Variants in PI4K2B observed in about 807,000 individuals in gnomAD.
PI4K2B encodes the protein phosphatidylinositol 4-kinase type 2-beta.
A neutral mutation model predicts 56.6 loss-of-function variants in PI4K2B; 46 were observed. The observed-to-expected ratio is 0.81, with a 90% CI of 0.64 to 1.04. The LOEUF (loss-of-function observed/expected upper bound fraction) is 1.04. Ranked by LOEUF, PI4K2B falls within the 50% of genes least tolerant of loss-of-function variation. The pLI, the probability that PI4K2B is intolerant of heterozygous loss-of-function variation, is 0.00. For missense variants in PI4K2B, 556 were observed against 607.7 expected (o/e 0.91, Z 0.89); for synonymous variants, 211 against 223.8 (o/e 0.94, Z 0.51).
At chr4:25,241,942 T>C (rs558514143) in intron 1 of PI4K2B, among the ~76,000 whole-genome samples, 126 of 152,310 alleles carry the variant, frequency 8.3e-4, no homozygotes, top group African/African-American at 2.9e-3. Context: ...TAGATGAGTA[T>C]TTGCCCTCTG....
intron 9 of PI4K2B, among the ~76,000 whole-genome samples, chr4:25,271,021 CCAAGCTTCTGCTGT>C (rs1456558899): frequency 6.6e-6 from 1 of 152,154 alleles, no homozygotes; most frequent in Admixed American, 6.5e-5. Flanking sequence ...GTAAGCAAAA[CCAAGCTTCTGCTGT>C]CATGGAGTTT....
At chr4:25,239,511 G>A (rs1325806758) in intron 1 of PI4K2B, among the ~76,000 whole-genome samples, 3 of 147,632 alleles carry the variant, frequency 2.0e-5, no homozygotes, top group Admixed American at 2.0e-4. Context: ...CGGTGGGGCC[G>A]GCCAGCCGCT....
rs528732963 is a variant in PI4K2B, at chr4:25,247,973, G to A, written c.269-4348G>A. 1.6e-3 allele frequency among the ~76,000 whole-genome samples: 249 copies of A among 152,328 alleles called. 3 individuals are homozygous for A. Among genetic ancestry groups the A allele is most frequent in the African/African-American group, 5.8e-3 (242 of 41,562 alleles). On this transcript the variant is annotated intron_variant, in intron 1 of 9. Coordinates refer to ENST00000264864, the MANE Select transcript of PI4K2B (RefSeq NM_018323.4). ...CTGCCTCAGTCTCCCAACATGCTGG[G>A]ATTACAGGCGTGAGCCACTGCACCC...
chr4:25,236,206 AAAATAAATAAATAAAT>A (rs55804997), intron 1 of PI4K2B, among the ~76,000 whole-genome samples: 12,219 of 139,656 alleles, frequency 0.087, 690 homozygotes, highest in South Asian at 0.18. Flanking sequence ...CTCTGTCTCA[AAAATAAATAAATAAAT>A]AAATAAATAA....
chr4:25,239,896 A>G (rs1174210092), intron 1 of PI4K2B, among the ~76,000 whole-genome samples: 1 of 152,226 alleles, frequency 6.6e-6, no homozygotes. Flanking sequence ...GTGGCCCTGC[A>G]GTTTTAGTGT....
In PI4K2B at chr4:25,274,625, C is replaced by G. The variant is rs1329833830; in HGVS notation, c.1273-2389C>G. On this transcript the variant is annotated intron_variant, in intron 9 of 9. Coordinates refer to ENST00000264864, the MANE Select transcript of PI4K2B (RefSeq NM_018323.4). Reference sequence around the variant, plus strand: ...TTTCCCTCATTTGGTCCCCTCTTCTCCCCAACACCGTGAGTGCTCAGTAAG... The same window carrying G: ...TTTCCCTCATTTGGTCCCCTCTTCTGCCCAACACCGTGAGTGCTCAGTAAG... Among the ~76,000 whole-genome samples, 4 of 152,032 alleles carry G rather than the reference C, an allele frequency of 2.6e-5. No individual in the cohort carries two copies. The East Asian group carries it at 5.8e-4, about 22-fold the overall frequency.
At chr4:25,269,239 A>G (rs777473038) in intron 9 of PI4K2B, 36 bp downstream of exon 9, 24 of 1,162,306 alleles carry the variant, frequency 2.1e-5, no homozygotes, top group Non-Finnish European at 2.8e-5. Flanking sequence ...AAGGAAAAAA[A>G]TCTCTTTGAA....
At position 25,277,088 on chromosome 4, in the gene PI4K2B, G is replaced by T. The variant is rs756870319; in HGVS notation, c.1347G>T (p.Val449=). ...FQLVQIPCVI[V]ERSQGGSQGR... is the part of the protein sequence containing the mutation. ...TAGTACAGATACCTTGTGTGATTGT[G>T]GAACGCAGTCAAGGTGGAAGTCAGG... The change falls in exon 10 of 10, where the codon GTG becomes GTT. Residue 449 remains valine, a synonymous_variant. Transcript: ENST00000264864. 1.9e-6 allele frequency: 3 copies of T among 1,613,676 alleles called. No homozygotes were observed. Among genetic ancestry groups the T allele is most frequent in the Non-Finnish European group, 1.7e-6 (2 of 1,179,776 alleles).
At chr4:25,271,100 T>C (rs1046267956) in intron 9 of PI4K2B, among the ~76,000 whole-genome samples, 22 of 152,228 alleles carry the variant, frequency 1.4e-4, no homozygotes, top group Non-Finnish European at 5.9e-5. Context: ...TTTTAGATTA[T>C]TAGCTCACGC....
At chr4:25,261,633 G>T (rs987155652) in intron 6 of PI4K2B, among the ~76,000 whole-genome samples, 1 of 152,070 alleles carries the variant, frequency 6.6e-6, no homozygotes, top group African/African-American at 2.4e-5. Context: ...ATACATATTC[G>T]TAGCACTTAG....
At chr4:25,270,295 C>G (rs1360893160) in intron 9 of PI4K2B, among the ~76,000 whole-genome samples, 2 of 152,092 alleles carry the variant, frequency 1.3e-5, no homozygotes, top group Non-Finnish European at 2.9e-5. Flanking sequence ...AATTGTAACT[C>G]AGTCCTCTCC....
In PI4K2B at chr4:25,259,068, A is replaced by T. The variant is rs140773975; in HGVS notation, c.788A>T (p.Tyr263Phe). Residue 263 changes from tyrosine to phenylalanine, a missense_variant, in exon 5 of 10, where the codon TAC (tyrosine) becomes TTC (phenylalanine). Transcript: ENST00000264864. The part of the protein sequence containing the change: ...IGSFQLFVEG[Y>F]KEAEYWLRKF... The stretch of plus-strand genomic sequence containing the variant: ...TCCTTTCAGTTATTTGTTGAAGGTT[A>T]CAAGGAGGCTGAATATTGGCTTAGG... 3.1e-6 allele frequency: 5 copies of T among 1,588,698 alleles called. No homozygotes were observed. Among genetic ancestry groups the T allele is most frequent in the Non-Finnish European group, 4.3e-6 (5 of 1,158,886 alleles).
intron 1 of PI4K2B, among the ~76,000 whole-genome samples, chr4:25,235,373 G>GT (rs1284798504): frequency 2.6e-5 from 4 of 152,074 alleles, no homozygotes; most frequent in South Asian, 2.1e-4. Flanking sequence ...ACACTGCTTA[G>GT]TTTTTTTTGG....
chr4:25,276,713 T>G, intron 9 of PI4K2B: 1 of 985,312 alleles, frequency 1.0e-6, no homozygotes, highest in Non-Finnish European at 1.2e-6. Flanking sequence ...TCACTTACCG[T>G]TCTTTGATTC....
At chr4:25,236,831 A>G (rs1416902299) in intron 1 of PI4K2B, among the ~76,000 whole-genome samples, 2 of 152,238 alleles carry the variant, frequency 1.3e-5, no homozygotes, top group East Asian at 3.8e-4. Context: ...TACCTTTAAT[A>G]GGACTTTAAA....
intron 9 of PI4K2B, among the ~76,000 whole-genome samples, chr4:25,273,376 A>C (rs1031570031): frequency 6.6e-6 from 1 of 152,226 alleles, no homozygotes; most frequent in African/African-American, 2.4e-5. Flanking sequence ...TAATGAACTT[A>C]CCTTCAGAGA....
intron 1 of PI4K2B, among the ~76,000 whole-genome samples, chr4:25,243,662 C>G (rs908997754): frequency 3.8e-4 from 58 of 152,192 alleles, no homozygotes; most frequent in African/African-American, 1.4e-3. Flanking sequence ...AATCAATTGA[C>G]CCTCGAGTGA....
intron 1 of PI4K2B, among the ~76,000 whole-genome samples, chr4:25,249,662 G>A (rs1715960108): frequency 6.6e-6 from 1 of 151,674 alleles, no homozygotes; most frequent in Non-Finnish European, 1.5e-5. Context: ...CCCAGATGGG[G>A]TGGCGGCAGG....
chr4:25,273,927 C>T (rs1004998619), intron 9 of PI4K2B, among the ~76,000 whole-genome samples: 4 of 152,146 alleles, frequency 2.6e-5, no homozygotes, highest in Non-Finnish European at 4.4e-5. Context: ...CTGAACTGCT[C>T]TTCCTTCCCC....
Sources: allele counts gnomAD v4.1 joint callset (sites outside exome capture counted in the v4.1 genomes callset), GRCh38; gene constraint gnomAD v4.1.1; transcripts MANE v1.5; gene names NCBI Gene and HGNC (gene_info 2026-07-23, HGNC 2026-07-21).